TXNDC16: variants seen among roughly 807,000 people sequenced by gnomAD.
TXNDC16 encodes thioredoxin domain containing 16.
A neutral mutation model predicts 85.6 loss-of-function variants in TXNDC16; 74 were observed. The ratio of observed to expected loss-of-function variants is 0.86; its 90% CI spans 0.72 to 1.05. The LOEUF is 1.05. TXNDC16 is among the 50% of genes least tolerant of loss of function. The pLI, the probability that TXNDC16 is intolerant of heterozygous loss-of-function variation, is 0.00. For synonymous variants in TXNDC16, 335 were observed against 326.5 expected, an observed-to-expected ratio of 1.03 and a Z score of -0.28; for missense variants, 959 against 947.0, an observed-to-expected ratio of 1.01 and a Z score of -0.17.
intron 3 of TXNDC16, among the ~76,000 whole-genome samples, chr14:52,543,141 A>G (rs2037868917): frequency 6.6e-6 from 1 of 152,154 alleles, no homozygotes; most frequent in African/African-American, 2.4e-5. Flanking sequence ...AAATCATTTA[A>G]TCCTCACAAC....
chr14:52,439,090 T>G, intron 20 of TXNDC16, 114 bp downstream of exon 20: 1 of 1,123,006 alleles, frequency 8.9e-7, no homozygotes, highest in Non-Finnish European at 1.3e-6. Flanking sequence ...TCCACATGGA[T>G]GATGCTACCA....
intron 14 of TXNDC16, among the ~76,000 whole-genome samples, chr14:52,480,965 A>G (rs935048062): frequency 3.7e-5 from 4 of 106,994 alleles, no homozygotes; most frequent in Non-Finnish European, 3.5e-5. Context: ...GTGTGTGTAT[A>G]TATATATATG....
At chr14:52,520,586 G>A (rs974663617) in intron 6 of TXNDC16, among the ~76,000 whole-genome samples, 20 of 151,924 alleles carry the variant, frequency 1.3e-4, no homozygotes, top group African/African-American at 4.4e-4. Context: ...CTCCAGCCTG[G>A]GCGACAGAGC....
At chr14:52,452,918 T>C (rs1195374169) in intron 18 of TXNDC16, among the ~76,000 whole-genome samples, 1 of 151,988 alleles carries the variant, frequency 6.6e-6, no homozygotes, top group African/African-American at 2.4e-5. Context: ...GGAGAAAATA[T>C]CTGCAAACTA....
At chr14:52,520,233 A>G (rs2037177404) in intron 6 of TXNDC16, among the ~76,000 whole-genome samples, 1 of 152,192 alleles carries the variant, frequency 6.6e-6, no homozygotes, top group Non-Finnish European at 1.5e-5. Flanking sequence ...CTAGTCCAGT[A>G]ATCTTTCCAC....
chr14:52,478,170 T>C (rs1429436923), intron 14 of TXNDC16, among the ~76,000 whole-genome samples: 1 of 152,066 alleles, frequency 6.6e-6, no homozygotes, highest in African/African-American at 2.4e-5. Context: ...CTCTGGAATA[T>C]AGCAAAGGCA....
chr14:52,500,853 A>G (rs1341145180), intron 9 of TXNDC16, among the ~76,000 whole-genome samples: 1 of 152,222 alleles, frequency 6.6e-6, no homozygotes, highest in Non-Finnish European at 1.5e-5. Flanking sequence ...TTAAAAATGT[A>G]TAAACTTACC....
rs754567179 is a variant in TXNDC16, at chr14:52,543,447, A to G, written c.111T>C (p.Phe37=). 7.4e-6 allele frequency: 12 copies of G among 1,613,300 alleles called. No homozygotes were observed. Among genetic ancestry groups the G allele is most frequent in the Non-Finnish European group, 1.0e-5 (12 of 1,179,592 alleles). Residue 37 remains phenylalanine (F), a synonymous_variant, in exon 3 of 21, where the codon TTT becomes TTC. Transcript: ENST00000281741. ...AGGCTTTTCCTGGTTGCAATGTACT[A>G]AAATATTTCTGAGGACTCAGTTCTG... ...SLPELSPQKY[F]STLQPGKASL...
chr14:52,538,449 AACAG>A (rs2037752901), intron 4 of TXNDC16, among the ~76,000 whole-genome samples: 1 of 152,228 alleles, frequency 6.6e-6, no homozygotes, highest in South Asian at 2.1e-4. Flanking sequence ...CATGAAGATA[AACAG>A]AAAGCAAAAG....
chr14:52,496,226 A>G lies in TXNDC16; in HGVS notation c.757-5221T>C, dbSNP rs537315748. The stretch of plus-strand genomic sequence containing the variant: ...CACAACAGACAATGATGGGACAGGC[A>G]TAGTATAACCACTATATACACTCCT... On this transcript the variant is annotated intron_variant, in intron 9 of 20. Transcript: ENST00000281741. Among the ~76,000 whole-genome samples, 14 of 152,134 alleles carry G rather than the reference A, an allele frequency of 9.2e-5. No homozygotes were observed. In the East Asian group the frequency reaches 2.3e-3, roughly 25 times the overall value.
intron 18 of TXNDC16, among the ~76,000 whole-genome samples, chr14:52,443,296 C>T (rs1197907225): frequency 6.6e-6 from 1 of 152,188 alleles, no homozygotes; most frequent in Non-Finnish European, 1.5e-5. Flanking sequence ...CTCTTAAGTT[C>T]TTCAGTTTTG....
chr14:52,515,958 A>G (rs1299291059), intron 7 of TXNDC16, among the ~76,000 whole-genome samples: 1 of 152,054 alleles, frequency 6.6e-6, no homozygotes, highest in Non-Finnish European at 1.5e-5. Flanking sequence ...AAACTTCTTC[A>G]CTATAGTTTT....
At chr14:52,434,108 G>A (rs957375065) in intron 20 of TXNDC16, among the ~76,000 whole-genome samples, 10 of 152,208 alleles carry the variant, frequency 6.6e-5, no homozygotes, top group Admixed American at 3.9e-4. Flanking sequence ...AGGTACACTT[G>A]AGCCCAGATG....
chr14:52,529,582 A>G (rs2037431501), intron 6 of TXNDC16, among the ~76,000 whole-genome samples: 1 of 105,168 alleles, frequency 9.5e-6, no homozygotes, highest in Non-Finnish European at 1.7e-5. Context: ...TATAATATAT[A>G]TAATGCCTAT....
chr14:52,536,335 A>G (rs976526611), intron 6 of TXNDC16, among the ~76,000 whole-genome samples: 1 of 152,234 alleles, frequency 6.6e-6, no homozygotes, highest in African/African-American at 2.4e-5. Context: ...CATAACTGTG[A>G]AAAATAAATT....
At position 52,463,044 on chromosome 14, in the gene TXNDC16, A is replaced by G. The variant is rs569314718; in HGVS notation, c.1619-5870T>C. The G allele has an allele frequency of 8.8e-4, 399 of 453,276 alleles. 3 individuals carry two copies. Among genetic ancestry groups the G allele is most frequent in the Non-Finnish European group, 3.0e-4 (68 of 226,126 alleles). 28.1% of individuals were successfully genotyped at this position (453,276 alleles called of 1,614,324 possible). A position where few individuals can be genotyped will look rare whatever the true frequency, so the allele number is the denominator to read the frequency against. On this transcript the variant is annotated intron_variant, in intron 16 of 20. Coordinates refer to ENST00000281741, the MANE Select transcript of TXNDC16 (RefSeq NM_020784.3). ...TGCAAATTTCTGAAAGCTGAAGTTC[A>G]TACTACCTACAATATTGCCATTTAC...
At position 52,537,099 on chromosome 14, in the gene TXNDC16, T is replaced by C. The variant is rs981379807; in HGVS notation, c.318-306A>G. ...ACACACACACACACACACACACACA[T>C]TCCCCAAATTGGGCTGGGAAGAAGG... is the stretch of plus-strand genomic sequence containing the variant. On this transcript the variant is annotated intron_variant, in intron 5 of 20. Coordinates refer to ENST00000281741, the MANE Select transcript of TXNDC16 (RefSeq NM_020784.3). 2.2e-3 allele frequency among the ~76,000 whole-genome samples: 256 copies of C among 116,010 alleles called. 1 individual carries two copies. Among genetic ancestry groups the C allele is most frequent in the East Asian group, 8.1e-3 (25 of 3,088 alleles). The allele number at this position is 116,010 out of a possible 152,430, so 76.1% of individuals were successfully genotyped here.
rs756628730 is a variant in TXNDC16 at position 52,432,617 on chromosome 14, G to C, written c.2195-30C>G. The stretch of plus-strand genomic sequence containing the variant: ...AAGGAAGAAACAATCAAAGGTTAAA[G>C]ATTAACAGCTATAAATCGTCACATC... On this transcript the variant is annotated intron_variant, in intron 20 of 20. Coordinates refer to ENST00000281741, the MANE Select transcript of TXNDC16 (RefSeq NM_020784.3). The C allele has an allele frequency of 3.8e-6, 6 of 1,558,668 alleles. No individual in the cohort carries two copies. In the Admixed American group the frequency reaches 1.2e-4, roughly 31 times the overall value.
intron 6 of TXNDC16, among the ~76,000 whole-genome samples, chr14:52,527,857 T>C (rs770879823): frequency 3.0e-4 from 46 of 151,908 alleles, no homozygotes; most frequent in Non-Finnish European, 4.9e-4. Flanking sequence ...CCTATGTAAA[T>C]AGTATGATGC....
Sources: gnomAD v4.1 joint callset for allele counts (sites outside exome capture counted in the v4.1 genomes callset) on GRCh38, gnomAD v4.1.1 for gene constraint, MANE v1.5 for transcripts, NCBI Gene and HGNC (gene_info 2026-07-23, HGNC 2026-07-21) for gene names.